The following SLC11A2 variants were observed in gnomAD, a reference collection of about 807,000 sequenced individuals.
The protein encoded by SLC11A2 is solute carrier family 11 member 2.
Under a neutral mutation model 68.0 loss-of-function variants are expected in SLC11A2, and 38 were observed. That is an observed-to-expected ratio of 0.56 (90% CI 0.43 to 0.73). The LOEUF is 0.73. SLC11A2 is among the 30% of genes least tolerant of loss of function. SLC11A2 has a pLI of 0.00. For synonymous variants in SLC11A2, 242 were observed against 250.6 expected (o/e 0.97, Z 0.32); for missense variants, 517 against 690.5 (o/e 0.75, Z 2.82).
At chr12:50,996,356 C>T (rs1264441661) in intron 9 of SLC11A2, among the ~76,000 whole-genome samples, 1 of 152,146 alleles carries the variant, frequency 6.6e-6, no homozygotes, top group African/African-American at 2.4e-5. Context: ...GGGTGGATTG[C>T]TTGAGCTCAG....
Position 50,999,515 on chromosome 12 carries a change from A to C in SLC11A2, c.537-100T>G, listed in dbSNP as rs1475905172. ...AGCTCTCCAGATAAAGAACACTTGG[A>C]GAAGCTAGGACTTGAGGGAGGAGGG... is the stretch of plus-strand genomic sequence containing the variant. On this transcript the variant is annotated intron_variant, in intron 6 of 15. Coordinates refer to ENST00000262052, the MANE Select transcript of SLC11A2 (RefSeq NM_000617.3). 4 of 993,698 alleles carry C rather than the reference A, an allele frequency of 4.0e-6. No individual in the cohort carries two copies. In the African/African-American group the frequency reaches 6.4e-5, roughly 16 times the overall value. The allele number at this position is 993,698 out of a possible 1,614,324, so 61.6% of individuals were successfully genotyped here.
At chr12:51,002,585 G>A (rs1281588396) in intron 5 of SLC11A2, among the ~76,000 whole-genome samples, 2 of 126,480 alleles carry the variant, frequency 1.6e-5, no homozygotes, top group East Asian at 2.7e-4. Context: ...GTTATAGTAA[G>A]CCAAGATCAC....
downstream of SLC11A2, among the ~76,000 whole-genome samples, chr12:50,984,624 C>G (rs1940370944): frequency 6.6e-6 from 1 of 152,088 alleles, no homozygotes; most frequent in East Asian, 1.9e-4. Flanking sequence ...AAAATACTTC[C>G]GGGGGCAGAG....
chr12:51,012,085 C>CT (rs1211131170), intron 1 of SLC11A2, among the ~76,000 whole-genome samples: 1 of 152,160 alleles, frequency 6.6e-6, no homozygotes, highest in Admixed American at 6.6e-5. Context: ...CTAGAAGAAA[C>CT]TAGTCACCCG....
the SLC11A2 span, among the ~76,000 whole-genome samples, chr12:50,966,421 C>T: frequency 6.6e-6 from 1 of 152,210 alleles, no homozygotes; most frequent in African/African-American, 2.4e-5. Flanking sequence ...CTGGATTCTT[C>T]TTTGTTGTGG....
chr12:50,987,345 A>T lies in SLC11A2; in HGVS notation c.*980T>A, dbSNP rs920903497. ...GCCTCGCAAGTCATCTTGGGCATGAAGCAGAGCGGTGCATCAGAAAAACAT... is the reference window on the plus strand; with the variant it reads ...GCCTCGCAAGTCATCTTGGGCATGATGCAGAGCGGTGCATCAGAAAAACAT... On this transcript the variant is annotated 3_prime_UTR_variant, in exon 16 of 16. Coordinates refer to ENST00000262052, the MANE Select transcript of SLC11A2 (RefSeq NM_000617.3). 9.3e-6 allele frequency: 12 copies of T among 1,287,214 alleles called. No homozygotes were observed. Among genetic ancestry groups the T allele is most frequent in the Non-Finnish European group, 1.2e-5 (12 of 988,694 alleles). The allele number at this position is 1,287,214 out of a possible 1,614,324, so 79.7% of individuals were successfully genotyped here.
chr12:51,004,624 G>A (rs1942561012), intron 5 of SLC11A2, among the ~76,000 whole-genome samples, 164 bp downstream of exon 5: 1 of 152,158 alleles, frequency 6.6e-6, no homozygotes, highest in South Asian at 2.1e-4. Context: ...ACATGGCCTG[G>A]CAGCAGGAGG....
Position 50,986,252 on chromosome 12 carries a change from C to T in SLC11A2, c.*2073G>A. On this transcript the variant is annotated 3_prime_UTR_variant, in exon 16 of 16. Transcript: ENST00000262052. Reference sequence around the variant, plus strand: ...TCCACATAAACACACTGTCAAAACTCACTGGATATGCTGGAATTGGAGGAC... The same window carrying T: ...TCCACATAAACACACTGTCAAAACTTACTGGATATGCTGGAATTGGAGGAC... 7.8e-7 allele frequency: 1 copy of T among 1,285,130 alleles called. No homozygotes were observed. Among genetic ancestry groups the T allele is most frequent in the African/African-American group, 1.5e-5 (1 of 65,876 alleles). 79.6% of individuals were successfully genotyped at this position (1,285,130 alleles called of 1,614,324 possible).
chr12:50,968,354 C>A, the SLC11A2 span, among the ~76,000 whole-genome samples: 84 of 152,246 alleles, frequency 5.5e-4, no homozygotes, highest in South Asian at 0.017. Flanking sequence ...TCCCAACTTA[C>A]CGTAATCTCC....
downstream of SLC11A2, among the ~76,000 whole-genome samples, chr12:50,984,880 G>A (rs1940398443): frequency 6.6e-6 from 1 of 152,128 alleles, no homozygotes; most frequent in African/African-American, 2.4e-5. Flanking sequence ...AACAAAGCTT[G>A]GTGACAACCC....
chr12:50,992,996 A>C, intron 11 of SLC11A2, 67 bp from the exon 12 acceptor site: 1 of 1,593,068 alleles, frequency 6.3e-7, no homozygotes, highest in Non-Finnish European at 8.6e-7. Context: ...CCAAAACAGC[A>C]GTTCCCTGTG....
intron 2 of SLC11A2, among the ~76,000 whole-genome samples, chr12:51,010,022 A>C (rs1943070823): frequency 1.3e-5 from 2 of 151,906 alleles, no homozygotes; most frequent in South Asian, 4.2e-4. Flanking sequence ...TCTCTACTAA[A>C]AATACAAAAA....
rs746301101 is a variant in SLC11A2, at chr12:50,992,797, T to C, written c.1197+13A>G. On this transcript the variant is annotated intron_variant, in intron 12 of 15. Coordinates refer to ENST00000262052, the MANE Select transcript of SLC11A2 (RefSeq NM_000617.3). ...GGTTGTGTTATCTCCCTCTATCCTA[T>C]ACCAGCACGTACCTCCATGACAAAC... 4.4e-6 allele frequency: 7 copies of C among 1,605,104 alleles called. No individual in the cohort carries two copies. In the Admixed American group the frequency reaches 5.0e-5, roughly 12 times the overall value.
Sources: allele counts gnomAD v4.1 joint callset (sites outside exome capture counted in the v4.1 genomes callset), GRCh38; gene constraint gnomAD v4.1.1; transcripts MANE v1.5; gene names NCBI Gene and HGNC (gene_info 2026-07-23, HGNC 2026-07-21).